The following FHIT variants were observed in gnomAD, a reference collection of about 807,000 sequenced individuals.
The protein encoded by FHIT is bis(5'-adenosyl)-triphosphatase.
A neutral mutation model predicts 17.9 loss-of-function variants in FHIT; 19 were observed. The observed-to-expected ratio is 1.06, with a 90% CI of 0.74 to 1.56. FHIT has a LOEUF of 1.56. Among genes scored for constraint, FHIT ranks in the 40% most tolerant of loss-of-function variants. The probability of loss-of-function intolerance (pLI) is 0.00; values close to 1 mark genes in which losing one functional copy is unlikely to be tolerated. For synonymous variants in FHIT, 81 were observed against 69.7 expected, an observed-to-expected ratio of 1.16 and a Z score of -0.81; for missense variants, 248 against 189.2, an observed-to-expected ratio of 1.31 and a Z score of -1.82.
At chr3:60,196,137 G>C (rs1440442000) in intron 5 of FHIT, among the ~76,000 whole-genome samples, 1 of 152,128 alleles carries the variant, frequency 6.6e-6, no homozygotes, top group East Asian at 1.9e-4. Context: ...CACATACTTA[G>C]GGCTTGAAAC....
intron 4 of FHIT, among the ~76,000 whole-genome samples, chr3:60,784,849 C>G (rs1030876423): frequency 3.3e-5 from 5 of 152,158 alleles, no homozygotes; most frequent in African/African-American, 9.7e-5. Flanking sequence ...CTGAAAAGAC[C>G]AGAATTCTAC....
At position 60,014,063 on chromosome 3, in the gene FHIT, C is replaced by T. The variant is rs1559549388; in HGVS notation, c.193G>A (p.Val65Ile). The change falls in exon 6 of 10, where the codon GTC becomes ATC. Residue 65 changes from valine (V) to isoleucine (I), a missense_variant. Physicochemically the swap from Val to Ile is conservative, Grantham distance 29. Coordinates refer to ENST00000492590, the MANE Select transcript of FHIT (RefSeq NM_002012.4). Reference protein sequence around the residue: ...VADLFQTTQRVGTVVEKHFHG... With the variant: ...VADLFQTTQRIGTVVEKHFHG... Reference sequence around the variant, plus strand: ...AAATGTTTTTCCACCACTGTCCCGACTCTCTGGGTCGTCTGAAACAAATCG... The same window carrying T: ...AAATGTTTTTCCACCACTGTCCCGATTCTCTGGGTCGTCTGAAACAAATCG... 6.2e-7 allele frequency: 1 copy of T among 1,614,074 alleles called. No individual in the cohort carries two copies. Among genetic ancestry groups the T allele is most frequent in the Non-Finnish European group, 8.5e-7 (1 of 1,179,970 alleles).
intron 5 of FHIT, among the ~76,000 whole-genome samples, chr3:60,095,615 G>T (rs1703913021): frequency 6.6e-6 from 1 of 152,216 alleles, no homozygotes; most frequent in South Asian, 2.1e-4. Context: ...CATGTAGAGG[G>T]AAAGCTGAGG....
intron 4 of FHIT, among the ~76,000 whole-genome samples, chr3:60,736,379 G>GAA (rs140559295): frequency 1.3e-5 from 2 of 151,508 alleles, no homozygotes; most frequent in Non-Finnish European, 2.9e-5. Flanking sequence ...CAAAATGTGG[G>GAA]AAAAAAAACC....
intron 5 of FHIT, among the ~76,000 whole-genome samples, chr3:60,528,517 G>C (rs1459309401): frequency 1.3e-5 from 2 of 152,134 alleles, no homozygotes; most frequent in Non-Finnish European, 2.9e-5. Context: ...ACTATTAGGA[G>C]GCTAAGTTCA....
At chr3:60,923,579 G>A (rs1401572305) in intron 3 of FHIT, among the ~76,000 whole-genome samples, 1 of 152,120 alleles carries the variant, frequency 6.6e-6, no homozygotes, top group East Asian at 1.9e-4. Flanking sequence ...TTCACGAGGT[G>A]GAGCCAAGAT....
At chr3:60,925,206 G>A (rs973803262) in intron 3 of FHIT, among the ~76,000 whole-genome samples, 4 of 152,056 alleles carry the variant, frequency 2.6e-5, no homozygotes, top group African/African-American at 9.7e-5. Context: ...GAAATACAGA[G>A]AACACCACAA....
Position 61,249,820 on chromosome 3 carries a change from A to T in FHIT, c.-213+1481T>A, listed in dbSNP as rs944662291. On this transcript the variant is annotated intron_variant, in intron 1 of 9. Transcript: ENST00000492590. ...AGTATTAAAAAGAGATCATGTGAAC[A>T]GGTTCTAAATGGTCAAGTGTTAGTG... 3.3e-5 allele frequency among the ~76,000 whole-genome samples: 5 copies of T among 152,250 alleles called. No individual in the cohort carries two copies. The East Asian group carries it at 9.6e-4, about 29-fold the overall frequency.
Position 60,477,010 on chromosome 3 carries a change from G to A in FHIT, c.103+59850C>T, listed in dbSNP as rs552119400. ...GTATGGTTTGTATATGTTTAAGTAC[G>A]TATATACAGTTTCGTTTACATGCAT... On this transcript the variant is annotated intron_variant, in intron 5 of 9. Transcript: ENST00000492590. Among the ~76,000 whole-genome samples the A allele has an allele frequency of 2.1e-4, 32 of 152,020 alleles. 1 individual carries two copies. Among genetic ancestry groups the A allele is most frequent in the Admixed American group, 1.4e-3 (22 of 15,260 alleles).
At chr3:61,092,229 C>G (rs149100413) in intron 2 of FHIT, among the ~76,000 whole-genome samples, 915 of 152,054 alleles carry the variant, frequency 6.0e-3, no homozygotes, top group Non-Finnish European at 0.01. Flanking sequence ...GTGGAGAAGG[C>G]TATTCCCCAA....
At chr3:60,249,838 TC>T (rs1705603581) in intron 5 of FHIT, among the ~76,000 whole-genome samples, 1 of 152,024 alleles carries the variant, frequency 6.6e-6, no homozygotes, top group Admixed American at 6.6e-5. Context: ...GACTCACAGT[TC>T]CACATGGCTG....
At chr3:60,672,414 G>C (rs1308473540) in intron 4 of FHIT, among the ~76,000 whole-genome samples, 4 of 152,002 alleles carry the variant, frequency 2.6e-5, no homozygotes, top group African/African-American at 9.7e-5. Flanking sequence ...GTCGCAAGGT[G>C]CTCAGTGGGG....
chr3:59,890,082 T>C (rs529473564), intron 8 of FHIT, among the ~76,000 whole-genome samples: 1 of 152,334 alleles, frequency 6.6e-6, no homozygotes, highest in East Asian at 1.9e-4. Context: ...TTAACAGCAC[T>C]GTCATAGGAT....
chr3:60,366,962 T>C (rs1445839520), intron 5 of FHIT, among the ~76,000 whole-genome samples: 1 of 152,202 alleles, frequency 6.6e-6, no homozygotes, highest in Non-Finnish European at 1.5e-5. Flanking sequence ...AGTGAAAATA[T>C]CCATCTGATA....
At chr3:61,233,914 C>A (rs1231744958) in intron 1 of FHIT, among the ~76,000 whole-genome samples, 2 of 152,178 alleles carry the variant, frequency 1.3e-5, no homozygotes, top group South Asian at 2.1e-4. Context: ...AAAGCCAAAG[C>A]TAACCATTTC....
At chr3:59,884,368 TAC>T (rs1299324331) in intron 8 of FHIT, among the ~76,000 whole-genome samples, 1 of 152,128 alleles carries the variant, frequency 6.6e-6, no homozygotes, top group Non-Finnish European at 1.5e-5. Flanking sequence ...CACACATACA[TAC>T]ACACACATGC....
At position 59,942,387 on chromosome 3, in the gene FHIT, G is replaced by A. The variant is rs868101421; in HGVS notation, c.280-19973C>T. 7.9e-5 allele frequency among the ~76,000 whole-genome samples: 12 copies of A among 152,220 alleles called. No individual in the cohort carries two copies. In the Middle Eastern group the frequency reaches 0.014, roughly 173 times the overall value. On this transcript the variant is annotated intron_variant, in intron 7 of 9. Coordinates refer to ENST00000492590, the MANE Select transcript of FHIT (RefSeq NM_002012.4). ...GTGATGCTTCAAACTCAGCTTGAGC[G>A]CAGGTCTCATTTTCACCCTCCTCAT...
At chr3:60,295,370 C>T (rs1363322626) in intron 5 of FHIT, among the ~76,000 whole-genome samples, 1 of 152,132 alleles carries the variant, frequency 6.6e-6, no homozygotes, top group East Asian at 1.9e-4. Flanking sequence ...CTAACATCTG[C>T]TTCTGATGAG....
At position 60,067,071 on chromosome 3, in the gene FHIT, C is replaced by T. The variant is rs116127969; in HGVS notation, c.104-52919G>A. On this transcript the variant is annotated intron_variant, in intron 5 of 9. Transcript: ENST00000492590. ...GTACTAGAAAATAGATGCACCTGTC[C>T]CCCAAATGCACAGCATAAGAAGATA... 6.6e-3 allele frequency among the ~76,000 whole-genome samples: 1,006 copies of T among 152,078 alleles called. 11 individuals carry two copies. Among genetic ancestry groups the T allele is most frequent in the African/African-American group, 0.023 (943 of 41,474 alleles).
Sources: gnomAD v4.1 joint callset for allele counts (sites outside exome capture counted in the v4.1 genomes callset) on GRCh38, gnomAD v4.1.1 for gene constraint, MANE v1.5 for transcripts, NCBI Gene and HGNC (gene_info 2026-07-23, HGNC 2026-07-21) for gene names.